LRRFIP2: variants seen among roughly 807,000 people sequenced by gnomAD.
The protein encoded by LRRFIP2 is LRR binding FLII interacting protein 2.
In LRRFIP2, 109 loss-of-function variants were observed where a neutral mutation model predicts 125.9. That is an observed-to-expected ratio of 0.87 (90% confidence interval 0.74 to 1.01). LRRFIP2 has a LOEUF of 1.01. Among genes scored for constraint, LRRFIP2 ranks in the 50% least tolerant of loss-of-function variants. The pLI is 0.00. For synonymous variants in LRRFIP2, 291 were observed against 293.1 expected, an observed-to-expected ratio of 0.99 and a Z score of 0.07; for missense variants, 850 against 862.3, an observed-to-expected ratio of 0.99 and a Z score of 0.18.
chr3:37,119,803 G>A (rs1208475409), intron 6 of LRRFIP2, among the ~76,000 whole-genome samples: 1 of 152,060 alleles, frequency 6.6e-6, no homozygotes, highest in Non-Finnish European at 1.5e-5. Context: ...GGGATTACAG[G>A]CGTGAGCCAC....
At position 37,102,972 on chromosome 3, in the gene LRRFIP2, TC is replaced by T; in HGVS notation, c.824del (p.Gly275GlufsTer45). Reference protein sequence around the residue: ...ADYFSRSNRRGSVVSEVDDIS... With the variant: ...ADYFSRSNRRXSVVSEVDDIS... ...TATCATCCACCTCAGAGACAACACT[TC>T]CCCTACGATTGGAGCGACTGAAATA... On this transcript the variant is annotated frameshift_variant, in exon 15 of 28. Transcript: ENST00000336686. LOFTEE classifies it high-confidence loss of function. The T allele has an allele frequency of 6.4e-7, 1 of 1,565,820 alleles. No homozygotes were observed. The highest frequency in any genetic ancestry group is 1.2e-5 in the South Asian group (1 of 85,150).
intron 1 of LRRFIP2, among the ~76,000 whole-genome samples, chr3:37,169,649 A>T (rs2096558213): frequency 6.6e-6 from 1 of 152,220 alleles, no homozygotes; most frequent in Non-Finnish European, 1.5e-5. Context: ...AGCTGTTAAT[A>T]TATTTCTACT....
At chr3:37,055,624 AG>A (rs1277476054) in intron 25 of LRRFIP2, among the ~76,000 whole-genome samples, 1 of 152,222 alleles carries the variant, frequency 6.6e-6, no homozygotes, top group Non-Finnish European at 1.5e-5. Context: ...CATCTTCAGC[AG>A]CCCAGGTTCT....
chr3:37,096,075 A>G (rs1401514692), intron 16 of LRRFIP2, among the ~76,000 whole-genome samples: 3 of 152,328 alleles, frequency 2.0e-5, no homozygotes, highest in East Asian at 1.9e-4. Flanking sequence ...AAACTTACAT[A>G]TAAGTTCGCA....
At chr3:37,127,940 G>T (rs2095327558) in intron 3 of LRRFIP2, among the ~76,000 whole-genome samples, 1 of 151,616 alleles carries the variant, frequency 6.6e-6, no homozygotes, top group South Asian at 2.1e-4. Context: ...TTATTTTTTT[G>T]AGACAGGATC....
chr3:37,112,719 T>A (rs2094597059), intron 8 of LRRFIP2, among the ~76,000 whole-genome samples, 196 bp downstream of exon 8: 1 of 152,246 alleles, frequency 6.6e-6, no homozygotes, highest in African/African-American at 2.4e-5. Flanking sequence ...TAGTACTAAC[T>A]CTGGCTGCTA....
rs746139453 is a variant in LRRFIP2, at chr3:37,065,987, GCTGTAAGCT to G, written c.1567-54_1567-46del. 4.5e-5 allele frequency: 72 copies of G among 1,612,774 alleles called. No individual in the cohort carries two copies. In the East Asian group the frequency reaches 1.6e-3, roughly 35 times the overall value. ...ACCATCACAAAAGGCCCGTATGGAA[GCTGTAAGCT>G]CTGTGAGGTCACTCTGCAACAATAC... On this transcript the variant is annotated intron_variant, in intron 22 of 27. Coordinates refer to ENST00000336686, the MANE Select transcript of LRRFIP2 (RefSeq NM_006309.4).
In LRRFIP2 at chr3:37,057,810, A is replaced by G. The variant is rs527807311; in HGVS notation, c.1870+980T>C. Among the ~76,000 whole-genome samples, 3 of 152,344 alleles carry G rather than the reference A, an allele frequency of 2.0e-5. No homozygotes were observed. In the South Asian group the frequency reaches 6.2e-4, roughly 32 times the overall value. ...TCTCCTCTGTCCGAGAATTACACAT[A>G]ATCACTAACAAAGGCTAACTACAAA... On this transcript the variant is annotated intron_variant, in intron 25 of 27. Coordinates refer to ENST00000336686, the MANE Select transcript of LRRFIP2 (RefSeq NM_006309.4).
chr3:37,099,338 T>C (rs2093899202), intron 15 of LRRFIP2, among the ~76,000 whole-genome samples: 1 of 152,188 alleles, frequency 6.6e-6, no homozygotes. Context: ...AATAACAAGC[T>C]AATGTTCATA....
At chr3:37,055,511 A>T (rs1043117972) in intron 25 of LRRFIP2, among the ~76,000 whole-genome samples, 1 of 152,174 alleles carries the variant, frequency 6.6e-6, no homozygotes, top group Admixed American at 6.5e-5. Context: ...GGTTGCAGTG[A>T]GCTAAGATCG....
In LRRFIP2 at chr3:37,154,230, A is replaced by G. The variant is rs2096118523; in HGVS notation, c.-55-5192T>C. On this transcript the variant is annotated intron_variant, in intron 1 of 27. Coordinates refer to ENST00000336686, the MANE Select transcript of LRRFIP2 (RefSeq NM_006309.4). The stretch of plus-strand genomic sequence containing the variant: ...AGGTTTTTCCGTTCTCATGCAATCT[A>G]TTTTCTAGTAACTCCAGGTCATTCT... Among the ~76,000 whole-genome samples the G allele has an allele frequency of 2.0e-5, 3 of 152,258 alleles. No individual in the cohort carries two copies. In the South Asian group the frequency reaches 6.2e-4, roughly 32 times the overall value.
chr3:37,104,958 C>T (rs2094244445), intron 14 of LRRFIP2, among the ~76,000 whole-genome samples: 1 of 152,114 alleles, frequency 6.6e-6, no homozygotes, highest in Non-Finnish European at 1.5e-5. Context: ...AATCCTCCCA[C>T]CTCAGTCTCC....
intron 7 of LRRFIP2, among the ~76,000 whole-genome samples, chr3:37,113,333 G>A (rs915484807): frequency 6.6e-6 from 1 of 152,002 alleles, no homozygotes; most frequent in Non-Finnish European, 1.5e-5. Context: ...ATAGAAACAG[G>A]GTCTCACTCT....
intron 26 of LRRFIP2, 69 bp from the exon 27 acceptor site, chr3:37,054,584 G>A: frequency 2.0e-6 from 2 of 1,001,400 alleles, no homozygotes; most frequent in East Asian, 2.4e-5. Context: ...TAGCCAGGAT[G>A]GAAATACAAT....
rs35540438 is a variant in LRRFIP2 at position 37,134,181 on chromosome 3, C to CA, written c.91-5033dup. ...TGGGCAGCAGAGCAAGACTCTGTCT[C>CA]AAAAAAAAAAAAAAAAAGACAGTGA... On this transcript the variant is annotated intron_variant, in intron 2 of 27. Coordinates refer to ENST00000336686, the MANE Select transcript of LRRFIP2 (RefSeq NM_006309.4). 3.0e-3 allele frequency among the ~76,000 whole-genome samples: 337 copies of CA among 110,612 alleles called. 1 individual carries two copies. Among genetic ancestry groups the CA allele is most frequent in the East Asian group, 7.8e-3 (21 of 2,704 alleles). The allele number at this position is 110,612 out of a possible 152,430, so 72.6% of individuals were successfully genotyped here. A position where few individuals can be genotyped will look rare whatever the true frequency, so the allele number is the denominator to read the frequency against.
chr3:37,138,316 T>C (rs970736828), intron 2 of LRRFIP2, among the ~76,000 whole-genome samples: 2 of 152,204 alleles, frequency 1.3e-5, no homozygotes, highest in Non-Finnish European at 2.9e-5. Flanking sequence ...CAGAGACTCA[T>C]GTGAGGCCAA....
At chr3:37,086,970 T>A (rs1245049727) in intron 18 of LRRFIP2, among the ~76,000 whole-genome samples, 1 of 151,640 alleles carries the variant, frequency 6.6e-6, no homozygotes, top group Non-Finnish European at 1.5e-5. Flanking sequence ...CAGGTGATCC[T>A]CCCATGTCAG....
rs1559642691 is a variant in LRRFIP2, at chr3:37,058,909, AT to A, written c.1750del (p.Ile584LeufsTer4). 1 of 1,613,718 alleles carries A rather than the reference AT, an allele frequency of 6.2e-7. No individual in the cohort carries two copies. The highest frequency in any genetic ancestry group is 8.5e-7 in the Non-Finnish European group (1 of 1,179,866). On this transcript the variant is annotated frameshift_variant and splice_region_variant, in exon 25 of 28. Coordinates refer to ENST00000336686, the MANE Select transcript of LRRFIP2 (RefSeq NM_006309.4). LOFTEE classifies it high-confidence loss of function. ...CTCTAACTGAAGCTTCAGTTTTCTA[AT>A]CTGAAATGAAAATAAAGGTTCATCA... ...AGEKEELLSQ[I>X]RKLKLQLEEE...
chr3:37,175,197 C>A (rs1177420240), upstream of LRRFIP2: 1 of 152,242 alleles, frequency 6.6e-6, no homozygotes, highest in East Asian at 1.9e-4. Flanking sequence ...ATTACTACAT[C>A]CACATTCTCT....
Sources: allele counts gnomAD v4.1 joint callset (sites outside exome capture counted in the v4.1 genomes callset), GRCh38; gene constraint gnomAD v4.1.1; transcripts MANE v1.5; gene names NCBI Gene and HGNC (gene_info 2026-07-23, HGNC 2026-07-21).